Variants in EML5 observed in about 807,000 individuals in gnomAD.
EML5 encodes the protein echinoderm microtubule-associated protein-like 5.
A neutral mutation model predicts 250.0 loss-of-function variants in EML5; 120 were observed. The observed-to-expected ratio is 0.48, with a 90% CI of 0.41 to 0.56. The LOEUF (loss-of-function observed/expected upper bound fraction) is 0.56, where lower values mean the gene tolerates loss of function less well. Among genes scored for constraint, EML5 ranks in the 20% least tolerant of loss-of-function variants. The pLI, the probability that EML5 is intolerant of heterozygous loss-of-function variation, is 0.00. For synonymous variants in EML5, 771 were observed against 806.5 expected, an observed-to-expected ratio of 0.96 and a Z score of 0.75; for missense variants, 2,006 against 2,437.6, an observed-to-expected ratio of 0.82 and a Z score of 3.73.
intron 8 of EML5, among the ~76,000 whole-genome samples, chr14:88,716,843 A>G (rs978858905): frequency 6.6e-6 from 1 of 152,192 alleles, no homozygotes; most frequent in Non-Finnish European, 1.5e-5. Context: ...ATTGTGAATT[A>G]TATGACCACT....
intron 1 of EML5, among the ~76,000 whole-genome samples, chr14:88,776,898 A>C (rs576818910): frequency 6.6e-6 from 1 of 152,158 alleles, no homozygotes; most frequent in Admixed American, 6.5e-5. Flanking sequence ...AAAAAACAGA[A>C]ACAACAACCA....
intron 1 of EML5, among the ~76,000 whole-genome samples, chr14:88,785,094 A>C (rs973929028): frequency 2.0e-5 from 3 of 152,210 alleles, no homozygotes; most frequent in African/African-American, 7.2e-5. Flanking sequence ...AAAGAAAGAC[A>C]AACATCGCAT....
At chr14:88,733,813 T>C (rs2093797673) in intron 7 of EML5, among the ~76,000 whole-genome samples, 1 of 152,184 alleles carries the variant, frequency 6.6e-6, no homozygotes. Context: ...TTACATAGAT[T>C]GGGAGTTAAA....
intron 1 of EML5, among the ~76,000 whole-genome samples, chr14:88,786,694 G>A (rs889216349): frequency 1.3e-5 from 2 of 152,100 alleles, no homozygotes; most frequent in Admixed American, 6.5e-5. Context: ...TAAGTCTCAC[G>A]AGATCTGATG....
intron 40 of EML5, 78 bp downstream of exon 40, chr14:88,618,572 A>C: frequency 2.0e-6 from 3 of 1,483,878 alleles, no homozygotes; most frequent in Non-Finnish European, 2.7e-6. Context: ...GGAGCTCAGG[A>C]ACTTTAAATG....
In EML5 at chr14:88,626,958, C is replaced by T. The variant is rs2090015902; in HGVS notation, c.4620G>A (p.Val1540=). The T allele has an allele frequency of 6.2e-7, 1 of 1,613,898 alleles. No individual in the cohort carries two copies. Among genetic ancestry groups the T allele is most frequent in the East Asian group, 2.2e-5 (1 of 44,880 alleles). ...RPDSDTQFVS[V]GVKHVKFWTL... ...TCCAGAACTTCACATGTTTTACTCC[C>T]ACTGAGACAAACTGGGTATCTGAAT... The change falls in exon 35 of 44, where the codon GTG becomes GTA. Residue 1540 remains valine (V), a synonymous_variant. Transcript: ENST00000554922.
chr14:88,643,073 C>A lies in EML5; in HGVS notation c.4108-51G>T. 3.3e-6 allele frequency: 5 copies of A among 1,508,734 alleles called. No homozygotes were observed. In the South Asian group the frequency reaches 5.4e-5, roughly 16 times the overall value. The allele number at this position is 1,508,734 out of a possible 1,614,324, so 93.5% of individuals were successfully genotyped here. ...ATATTCTTCCTCATGTATAAATGTT[C>A]ACCACTGTTTTGTTGTATACGTAAT... On this transcript the variant is annotated intron_variant, in intron 30 of 43. Coordinates refer to ENST00000554922, the MANE Select transcript of EML5 (RefSeq NM_183387.3).
At chr14:88,783,095 A>C (rs1221368569) in intron 1 of EML5, among the ~76,000 whole-genome samples, 1 of 152,184 alleles carries the variant, frequency 6.6e-6, no homozygotes, top group African/African-American at 2.4e-5. Context: ...AAAAAGAAAA[A>C]AAAAGAAGAA....
At chr14:88,619,444 A>G (rs865880971) in intron 39 of EML5, 4 of 152,272 alleles carry the variant, frequency 2.6e-5, no homozygotes, top group Admixed American at 6.5e-5. Context: ...GCCTCAAGCA[A>G]TCCTTCCCCC....
At chr14:88,754,441 T>C (rs1446679563) in intron 2 of EML5, 71 bp downstream of exon 2, 2 of 1,324,934 alleles carry the variant, frequency 1.5e-6, no homozygotes, top group Non-Finnish European at 2.0e-6. Flanking sequence ...TTAATATTTA[T>C]AGATTTATAA....
At chr14:88,662,963 A>G in intron 24 of EML5, 68 bp downstream of exon 24, 1 of 1,131,470 alleles carries the variant, frequency 8.8e-7, no homozygotes, top group Non-Finnish European at 1.3e-6. Context: ...AACGATAGAA[A>G]GTAGGTATCA....
At chr14:88,710,574 T>C (rs1019291890) in intron 10 of EML5, among the ~76,000 whole-genome samples, 23 of 152,220 alleles carry the variant, frequency 1.5e-4, no homozygotes, top group Non-Finnish European at 2.6e-4. Flanking sequence ...ATAATCTTTT[T>C]TGGCCTAAGT....
chr14:88,751,992 A>T (rs2094103498), intron 2 of EML5, among the ~76,000 whole-genome samples: 1 of 152,218 alleles, frequency 6.6e-6, no homozygotes, highest in East Asian at 1.9e-4. Flanking sequence ...GAGATAATGC[A>T]GGCTTAGCAT....
At chr14:88,682,408 TA>T (rs34864308) in intron 20 of EML5, among the ~76,000 whole-genome samples, 6,637 of 136,248 alleles carry the variant, frequency 0.049, 457 homozygotes, top group African/African-American at 0.16. Flanking sequence ...AAAAATCAAT[TA>T]AAAAAAAAAA....
At chr14:88,634,375 G>C (rs2140507714) in intron 33 of EML5, 94 bp downstream of exon 33, 1 of 790,054 alleles carries the variant, frequency 1.3e-6, no homozygotes, top group East Asian at 3.3e-5. Context: ...TAATAGTAAT[G>C]CAAGAACGGA....
chr14:88,621,357 T>C lies in EML5; in HGVS notation c.5014-56A>G, dbSNP rs747882967. On this transcript the variant is annotated intron_variant, in intron 37 of 43. Coordinates refer to ENST00000554922, the MANE Select transcript of EML5 (RefSeq NM_183387.3). ...TGTAATACAACAGCTGCTTTTCTTC[T>C]TCATAATATAAAAATGACCCTATTG... The C allele has an allele frequency of 2.5e-6, 4 of 1,599,978 alleles. No homozygotes were observed. In the Admixed American group the frequency reaches 5.0e-5, roughly 20 times the overall value.
intron 8 of EML5, among the ~76,000 whole-genome samples, chr14:88,720,494 G>A (rs1313297723): frequency 6.6e-6 from 1 of 151,928 alleles, no homozygotes; most frequent in African/African-American, 2.4e-5. Flanking sequence ...ATCAATAAAC[G>A]TAATTCATCA....
Position 88,704,853 on chromosome 14 carries a change from T to A in EML5, c.2051+7A>T. 1 of 1,602,646 alleles carries A rather than the reference T, an allele frequency of 6.2e-7. No individual in the cohort carries two copies. Among genetic ancestry groups the A allele is most frequent in the African/African-American group, 1.3e-5 (1 of 74,430 alleles). The stretch of plus-strand genomic sequence containing the variant: ...AAACAAATAAATGAAAGATAGTTGT[T>A]TTATACCCGTGAACAAAGTGTAATC... On this transcript the variant is annotated splice_region_variant and intron_variant, in intron 13 of 43. Transcript: ENST00000554922.
chr14:88,702,760 A>G, intron 13 of EML5, 128 bp from the exon 14 acceptor site: 1 of 659,528 alleles, frequency 1.5e-6, no homozygotes, highest in Non-Finnish European at 2.3e-6. Context: ...GATACTAAAC[A>G]ATTTTTTTTC....
Sources: gnomAD v4.1 joint callset for allele counts (sites outside exome capture counted in the v4.1 genomes callset) on GRCh38, gnomAD v4.1.1 for gene constraint, MANE v1.5 for transcripts, NCBI Gene and HGNC (gene_info 2026-07-23, HGNC 2026-07-21) for gene names.